The following NUP214 variants were observed in gnomAD, a reference collection of about 807,000 sequenced individuals.
NUP214 encodes nucleoporin 214.
A neutral mutation model predicts 196.2 loss-of-function variants in NUP214; 79 were observed. The observed-to-expected ratio is 0.40, with a 90% CI of 0.34 to 0.49. The LOEUF is 0.49. Among genes scored for constraint, NUP214 ranks in the 20% least tolerant of loss-of-function variants. The pLI is 0.58. For missense variants in NUP214, 2,468 were observed against 2,539.0 expected (o/e 0.97, Z 0.60); for synonymous variants, 1,020 against 990.5 (o/e 1.03, Z -0.56).
At position 131,197,820 on chromosome 9, in the gene NUP214, A is replaced by C. The variant is rs1454216188; in HGVS notation, c.4326A>C (p.Gly1442=). The change falls in exon 29 of 36, where the codon GGA becomes GGC. Residue 1442 remains glycine (G), a synonymous_variant. Transcript: ENST00000359428. ...CTGGCAAGACTAGTTTTTCATTTGG[A>C]AGCCAACAGACCAATAGCACAGTGC... ...LSAGKTSFSF[G]SQQTNSTVPP... is the part of the protein sequence containing the mutation. 2 of 1,613,614 alleles carry C rather than the reference A, an allele frequency of 1.2e-6. No individual in the cohort carries two copies. The highest frequency in any genetic ancestry group is 2.7e-5 in the African/African-American group (2 of 74,908).
At chr9:131,192,063 G>T in intron 26 of NUP214, 145 bp from the exon 27 acceptor site, 1 of 521,250 alleles carries the variant, frequency 1.9e-6, no homozygotes, top group African/African-American at 2.0e-5. Flanking sequence ...ACTCCCCATG[G>T]CCACTGACGT....
chr9:131,163,925 T>C lies in NUP214; in HGVS notation c.2779T>C (p.Ser927Pro). The C allele has an allele frequency of 1.2e-6, 2 of 1,614,122 alleles. No homozygotes were observed. Among genetic ancestry groups the C allele is most frequent in the Non-Finnish European group, 1.7e-6 (2 of 1,179,996 alleles). Residue 927 changes from serine (S) to proline (P), a missense_variant, in exon 20 of 36, where the codon TCT (serine) becomes CCT (proline). By Grantham distance (74) the Ser-to-Pro change is moderately conservative. Coordinates refer to ENST00000359428, the MANE Select transcript of NUP214 (RefSeq NM_005085.4). ...CNALLKTTIE[S>P]HTKSLPKVPA... is the part of the protein sequence containing the mutation. ...TGCTTTGTTGAAAACCACCATAGAA[T>C]CTCACACCAAATCCTTGCCCAAAGT...
Position 131,222,809 on chromosome 9 carries a change from C to A in NUP214, c.5781C>A (p.Ala1927=). 6.2e-7 allele frequency: 1 copy of A among 1,614,132 alleles called. No homozygotes were observed. The highest frequency in any genetic ancestry group is 8.5e-7 in the Non-Finnish European group (1 of 1,180,016). Reference sequence around the variant, plus strand: ...CTAACCTATTTGGAAACAGTGGGGCCAAGACATTTGGTGGATTTGCCAGCT... The same window carrying A: ...CTAACCTATTTGGAAACAGTGGGGCAAAGACATTTGGTGGATTTGCCAGCT... ...NTSNLFGNSG[A]KTFGGFASSS... Residue 1927 remains alanine, a synonymous_variant, in exon 32 of 36, where the codon GCC becomes GCA. Coordinates refer to ENST00000359428, the MANE Select transcript of NUP214 (RefSeq NM_005085.4).
At position 131,233,747 on chromosome 9, in the gene NUP214, C is replaced by T; in HGVS notation, c.*260C>T. 2.0e-6 allele frequency: 1 copy of T among 502,102 alleles called. No homozygotes were observed. Among genetic ancestry groups the T allele is most frequent in the Admixed American group, 2.9e-5 (1 of 34,698 alleles). 31.1% of individuals were successfully genotyped at this position (502,102 alleles called of 1,614,324 possible). A position where few individuals can be genotyped will look rare whatever the true frequency, so the allele number is the denominator to read the frequency against. ...TTCAGATCACAGCCAAGAAGATTGC[C>T]CCGTTTCTGTGGCTCTGAGAAGCCA... On this transcript the variant is annotated 3_prime_UTR_variant, in exon 36 of 36. Coordinates refer to ENST00000359428, the MANE Select transcript of NUP214 (RefSeq NM_005085.4).
intron 24 of NUP214, among the ~76,000 whole-genome samples, chr9:131,179,077 G>A (rs1833195887): frequency 6.6e-6 from 1 of 152,030 alleles, no homozygotes; most frequent in Admixed American, 6.6e-5. Context: ...GCACACTGTA[G>A]CCTTAACCTT....
chr9:131,144,734 C>T lies in NUP214; in HGVS notation c.1749C>T (p.Val583=). 6.2e-7 allele frequency: 1 copy of T among 1,605,330 alleles called. No individual in the cohort carries two copies. Among genetic ancestry groups the T allele is most frequent in the Non-Finnish European group, 8.5e-7 (1 of 1,176,060 alleles). Residue 583 remains valine (V), a synonymous_variant, in exon 12 of 36, where the codon GTC becomes GTT. Transcript: ENST00000359428. The part of the protein sequence containing the change: ...KPSFPPSTSA[V]KVNLSEKFTA... Reference sequence around the variant, plus strand: ...CCTTCCCACCCTCAACCTCTGCTGTCAAAGTCAACCTTAGTGAAAAGTAAG... The same window carrying T: ...CCTTCCCACCCTCAACCTCTGCTGTTAAAGTCAACCTTAGTGAAAAGTAAG...
intron 14 of NUP214, among the ~76,000 whole-genome samples, chr9:131,148,848 CTT>C (rs1832163740): frequency 6.6e-6 from 1 of 152,070 alleles, no homozygotes; most frequent in African/African-American, 2.4e-5. Flanking sequence ...TATTCATTGT[CTT>C]TTTTGTTTCT....
Position 131,230,699 on chromosome 9 carries a change from A to G in NUP214, c.6144A>G (p.Ser2048=). Residue 2048 remains serine, a synonymous_variant, in exon 34 of 36, where the codon TCA becomes TCG. Transcript: ENST00000359428. ...LASQNAPTFG[S]LSQQTSGFGT... is the part of the protein sequence containing the mutation. The stretch of plus-strand genomic sequence containing the variant: ...GTCAGAATGCCCCCACTTTCGGATC[A>G]CTGTCCCAACAGACTTCTGGTTTTG... 6.2e-7 allele frequency: 1 copy of G among 1,614,134 alleles called. No individual in the cohort carries two copies. The highest frequency in any genetic ancestry group is 8.5e-7 in the Non-Finnish European group (1 of 1,180,024).
chr9:131,198,975 A>C lies in NUP214; in HGVS notation c.5481A>C (p.Thr1827=). 1 of 1,611,686 alleles carries C rather than the reference A, an allele frequency of 6.2e-7. No homozygotes were observed. The highest frequency in any genetic ancestry group is 8.5e-7 in the Non-Finnish European group (1 of 1,178,222). The change falls in exon 29 of 36, where the codon ACA becomes ACC. Residue 1827 remains threonine (T), a synonymous_variant. Coordinates refer to ENST00000359428, the MANE Select transcript of NUP214 (RefSeq NM_005085.4). ...SVFGGTSAAT[T]TAATSGFSFC... ...TTGGTGGTACCTCAGCTGCCACCAC[A>C]ACAGCAGCAACCTCTGGGTTCAGCT...
chr9:131,187,383 C>CG lies in NUP214; in HGVS notation c.3495+19_3495+20insG. The stretch of plus-strand genomic sequence containing the variant: ...CAAGCAGGTAACTTACTGATTTTTA[C>CG]TTTTTTTTTTTTTTTTTTTTTGAGA... On this transcript the variant is annotated intron_variant, in intron 25 of 35. Coordinates refer to ENST00000359428, the MANE Select transcript of NUP214 (RefSeq NM_005085.4). 9.5e-7 allele frequency: 1 copy of CG among 1,056,482 alleles called. No individual in the cohort carries two copies. Among genetic ancestry groups the CG allele is most frequent in the Non-Finnish European group, 1.3e-6 (1 of 769,276 alleles). 65.4% of individuals were successfully genotyped at this position (1,056,482 alleles called of 1,614,324 possible).
chr9:131,150,467 C>T (rs1832224432), intron 15 of NUP214, 57 bp downstream of exon 15: 2 of 1,588,436 alleles, frequency 1.3e-6, no homozygotes, highest in Non-Finnish European at 1.7e-6. Flanking sequence ...TTGGATGGGT[C>T]AGAGTGCCAA....
intron 18 of NUP214, among the ~76,000 whole-genome samples, chr9:131,160,153 T>C (rs1176049918): frequency 1.3e-5 from 2 of 152,052 alleles, no homozygotes; most frequent in Non-Finnish European, 2.9e-5. Flanking sequence ...ATACATATTC[T>C]ATGTTCTACA....
In NUP214 at chr9:131,144,669, G is replaced by T; in HGVS notation, c.1684G>T (p.Val562Leu). 2 of 1,614,158 alleles carry T rather than the reference G, an allele frequency of 1.2e-6. No homozygotes were observed. The highest frequency in any genetic ancestry group is 2.2e-5 in the South Asian group (2 of 91,086). Residue 562 changes from valine to leucine, a missense_variant, in exon 12 of 36, where the codon GTG (valine) becomes TTG (leucine). This residue lies in a region of NUP214 where 1,801 missense variants were observed against 1,779.4 expected (regional missense o/e 1.01). Transcript: ENST00000359428. ...TAAGCCTACCCTGGAAAGCACACCA[G>T]TGCCAAGTGTGTCTGCTCCAAATAT... is the stretch of plus-strand genomic sequence containing the variant. The part of the protein sequence containing the change: ...GFKPTLESTP[V>L]PSVSAPNIAM...
rs1174803248 is a variant in NUP214, at chr9:131,198,093, T to C, written c.4599T>C (p.Thr1533=). 1 of 1,614,148 alleles carries C rather than the reference T, an allele frequency of 6.2e-7. No homozygotes were observed. The highest frequency in any genetic ancestry group is 1.1e-5 in the South Asian group (1 of 91,078). Residue 1533 remains threonine, a synonymous_variant, in exon 29 of 36, where the codon ACT becomes ACC. Transcript: ENST00000359428. The part of the protein sequence containing the change: ...SAQLPQAPPQ[T]SDSVKKEPVL... ...AGCTTCCCCAGGCTCCTCCGCAAAC[T>C]TCTGACTCTGTTAAAAAAGAACCTG...
intron 21 of NUP214, among the ~76,000 whole-genome samples, chr9:131,168,752 G>A (rs1203447811): frequency 2.0e-5 from 3 of 152,250 alleles, no homozygotes; most frequent in South Asian, 4.2e-4. Flanking sequence ...TGATTTTTGT[G>A]TGTGATATAA....
chr9:131,183,564 G>T lies in NUP214; in HGVS notation c.3420-3725G>T, dbSNP rs184431298. 1.9e-3 allele frequency among the ~76,000 whole-genome samples: 293 copies of T among 152,124 alleles called. 3 individuals are homozygous for T. Among genetic ancestry groups the T allele is most frequent in the African/African-American group, 6.7e-3 (280 of 41,508 alleles). On this transcript the variant is annotated intron_variant, in intron 24 of 35. Transcript: ENST00000359428. Reference sequence around the variant, plus strand: ...TGAGGTTCATATCTGAATTCTTTTAGCTTTTGTATGTCTGCAGAAGTCTTT... The same window carrying T: ...TGAGGTTCATATCTGAATTCTTTTATCTTTTGTATGTCTGCAGAAGTCTTT...
At chr9:131,132,871 A>G (rs1831600264) in intron 6 of NUP214, 1 of 617,746 alleles carries the variant, frequency 1.6e-6, no homozygotes, top group Non-Finnish European at 2.8e-6. Flanking sequence ...ATGGATCCCG[A>G]CTTTTTATTA....
rs111676098 is a variant in NUP214 at position 131,173,538 on chromosome 9, AT to A, written c.2894-505del. On this transcript the variant is annotated intron_variant, in intron 21 of 35. Transcript: ENST00000359428. ...TGACCCACTGCACCCAGTCTCTTGT[AT>A]TTTTTTTTTTTAAACCTAATTGTCT... Among the ~76,000 whole-genome samples the A allele has an allele frequency of 5.9e-3, 852 of 143,280 alleles. 6 individuals carry two copies. Among genetic ancestry groups the A allele is most frequent in the African/African-American group, 0.018 (688 of 39,306 alleles). The allele number at this position is 143,280 out of a possible 152,430, so 94.0% of individuals were successfully genotyped here.
intron 30 of NUP214, among the ~76,000 whole-genome samples, chr9:131,210,906 AAAG>A (rs1265404243): frequency 6.6e-6 from 1 of 152,244 alleles, no homozygotes; most frequent in Admixed American, 6.5e-5. Context: ...TAAATTCACA[AAAG>A]AAGTGCAAAA....
Sources: gnomAD v4.1 joint callset for allele counts (sites outside exome capture counted in the v4.1 genomes callset) on GRCh38, gnomAD v4.1.1 for gene constraint, gnomAD v4.1.1 regional missense constraint, MANE v1.5 for transcripts, NCBI Gene and HGNC (gene_info 2026-07-23, HGNC 2026-07-21) for gene names.